Variants in MAML2 observed in about 807,000 individuals in gnomAD.
The protein encoded by MAML2 is mastermind-like protein 2.
In MAML2, 22 loss-of-function variants were observed where a neutral mutation model predicts 96.1. That is an observed-to-expected ratio of 0.23 (90% CI 0.16 to 0.33). The LOEUF is 0.33. MAML2 is among the 10% of genes least tolerant of loss of function. The pLI is 1.00. For synonymous variants in MAML2, 561 were observed against 521.3 expected (o/e 1.08, Z -1.04); for missense variants, 1,367 against 1,392.4 (o/e 0.98, Z 0.29).
At chr11:96,275,792 T>C (rs1862981024) in intron 1 of MAML2, among the ~76,000 whole-genome samples, 1 of 152,164 alleles carries the variant, frequency 6.6e-6, no homozygotes, top group Non-Finnish European at 1.5e-5. Context: ...ATAAAGACTC[T>C]TCAGCTGGTC....
intron 2 of MAML2, among the ~76,000 whole-genome samples, chr11:96,080,356 G>C (rs1239875436): frequency 1.3e-5 from 2 of 152,210 alleles, no homozygotes; most frequent in African/African-American, 4.8e-5. Context: ...ACTGAAAAGA[G>C]TGAGGGAAAA....
chr11:95,982,638 A>G (rs899028494), intron 4 of MAML2, among the ~76,000 whole-genome samples: 4 of 151,974 alleles, frequency 2.6e-5, no homozygotes, highest in Non-Finnish European at 5.9e-5. Context: ...GAAAAGAAAA[A>G]CCTCAATATC....
chr11:96,233,797 T>C (rs951036567), intron 1 of MAML2, among the ~76,000 whole-genome samples: 2 of 152,200 alleles, frequency 1.3e-5, no homozygotes, highest in Admixed American at 6.5e-5. Flanking sequence ...ATACATCACC[T>C]CTTTCACCTG....
At chr11:96,115,252 C>T (rs1017804523) in intron 1 of MAML2, among the ~76,000 whole-genome samples, 4 of 151,630 alleles carry the variant, frequency 2.6e-5, no homozygotes, top group African/African-American at 7.3e-5. Flanking sequence ...TAACATCAAA[C>T]TCCTGTGCTC....
intron 2 of MAML2, among the ~76,000 whole-genome samples, chr11:96,063,260 T>C (rs1037771895): frequency 6.6e-6 from 1 of 152,120 alleles, no homozygotes; most frequent in Non-Finnish European, 1.5e-5. Flanking sequence ...CTCAGAGTTA[T>C]GCATCTGCAC....
chr11:96,169,741 A>G (rs552403850), intron 1 of MAML2, among the ~76,000 whole-genome samples: 40 of 148,840 alleles, frequency 2.7e-4, no homozygotes, highest in African/African-American at 9.5e-4. Flanking sequence ...TGCAACCTCT[A>G]CCTCCCAGGT....
chr11:96,298,204 C>T (rs1316055589), intron 1 of MAML2, among the ~76,000 whole-genome samples: 2 of 152,152 alleles, frequency 1.3e-5, no homozygotes, highest in Non-Finnish European at 2.9e-5. Flanking sequence ...CAGCTATCCA[C>T]GGTAAGGATA....
At chr11:96,201,571 T>C (rs571199310) in intron 1 of MAML2, among the ~76,000 whole-genome samples, 1 of 152,232 alleles carries the variant, frequency 6.6e-6, no homozygotes, top group East Asian at 1.9e-4. Context: ...TGTCTATGAG[T>C]ATAAAAGCTT....
chr11:96,021,056 A>G (rs868389122), intron 2 of MAML2, among the ~76,000 whole-genome samples: 42 of 152,130 alleles, frequency 2.8e-4, no homozygotes, highest in African/African-American at 9.9e-4. Context: ...ATGTATATCT[A>G]TATTTATGAG....
intron 1 of MAML2, among the ~76,000 whole-genome samples, chr11:96,100,488 T>G (rs1433384607): frequency 1.3e-5 from 2 of 151,892 alleles, no homozygotes; most frequent in East Asian, 3.9e-4. Context: ...TTTTGTATTT[T>G]TAGTAGAGAC....
chr11:96,026,183 C>T (rs191535100), intron 2 of MAML2, among the ~76,000 whole-genome samples: 2 of 152,316 alleles, frequency 1.3e-5, no homozygotes, highest in East Asian at 1.9e-4. Flanking sequence ...GTTCATTTAT[C>T]AGTCTCCTCC....
At chr11:96,322,637 A>G (rs1863721927) in intron 1 of MAML2, among the ~76,000 whole-genome samples, 1 of 152,194 alleles carries the variant, frequency 6.6e-6, no homozygotes, top group Admixed American at 6.5e-5. Context: ...GCTTGCAGTG[A>G]GCCGAGATCG....
At chr11:96,214,273 T>C (rs761663206) in intron 1 of MAML2, among the ~76,000 whole-genome samples, 11 of 152,246 alleles carry the variant, frequency 7.2e-5, no homozygotes, top group Non-Finnish European at 1.3e-4. Flanking sequence ...TCTGGTAAAC[T>C]GATATTGTGG....
intron 1 of MAML2, among the ~76,000 whole-genome samples, chr11:96,290,676 AT>A (rs1210045817): frequency 1.3e-5 from 2 of 152,146 alleles, no homozygotes; most frequent in African/African-American, 2.4e-5. Flanking sequence ...TGAAGTACCA[AT>A]TTTTCTTACT....
intron 2 of MAML2, among the ~76,000 whole-genome samples, chr11:95,992,879 T>C (rs1158908875): frequency 2.0e-5 from 3 of 149,536 alleles, no homozygotes; most frequent in African/African-American, 4.9e-5. Flanking sequence ...GAAATCCAAC[T>C]CTCTCTTTTT....
intron 1 of MAML2, among the ~76,000 whole-genome samples, chr11:96,204,658 T>A (rs1861871324): frequency 6.6e-6 from 1 of 152,194 alleles, no homozygotes; most frequent in South Asian, 2.1e-4. Flanking sequence ...AGTTTTTGTT[T>A]TTGTTTTTTT....
At chr11:96,319,418 T>G (rs1357746721) in intron 1 of MAML2, among the ~76,000 whole-genome samples, 1 of 152,238 alleles carries the variant, frequency 6.6e-6, no homozygotes, top group Non-Finnish European at 1.5e-5. Flanking sequence ...TTGAAGTAAT[T>G]TGTTACAAAG....
chr11:96,225,224 A>T (rs1275376852), intron 1 of MAML2, among the ~76,000 whole-genome samples: 1 of 152,226 alleles, frequency 6.6e-6, no homozygotes, highest in African/African-American at 2.4e-5. Flanking sequence ...CTAGGTCATA[A>T]AAGACCATGC....
intron 1 of MAML2, among the ~76,000 whole-genome samples, chr11:96,288,829 T>C (rs1863174285): frequency 6.6e-6 from 1 of 152,174 alleles, no homozygotes. Flanking sequence ...ATTAAGGTAA[T>C]TCTGGAATGA....
Sources: gnomAD v4.1 joint callset for allele counts (sites outside exome capture counted in the v4.1 genomes callset) on GRCh38, gnomAD v4.1.1 for gene constraint, MANE v1.5 for transcripts, NCBI Gene and HGNC (gene_info 2026-07-23, HGNC 2026-07-21) for gene names.